The following MAEL variants were observed in gnomAD, a reference collection of about 807,000 sequenced individuals.
MAEL encodes maelstrom spermatogenic transposon silencer.
Under a neutral mutation model 62.0 loss-of-function variants are expected in MAEL, and 46 were observed. The observed-to-expected ratio is 0.74, with a 90% CI of 0.59 to 0.95. MAEL has a LOEUF of 0.95. Ranked by LOEUF, MAEL falls within the 40% of genes least tolerant of loss-of-function variation. The pLI is 0.00. For synonymous variants in MAEL, 172 were observed against 175.5 expected, an observed-to-expected ratio of 0.98 and a Z score of 0.16; for missense variants, 497 against 526.8, an observed-to-expected ratio of 0.94 and a Z score of 0.55.
chr1:167,007,959 G>C (rs1477361565), intron 8 of MAEL, among the ~76,000 whole-genome samples: 1 of 151,784 alleles, frequency 6.6e-6, no homozygotes, highest in African/African-American at 2.4e-5. Flanking sequence ...TAATAGTTAA[G>C]TTCGTTTGCT....
chr1:166,980,624 T>C (rs151295212), intron 1 of MAEL, among the ~76,000 whole-genome samples: 89 of 152,340 alleles, frequency 5.8e-4, no homozygotes, highest in Non-Finnish European at 7.4e-4. Context: ...CAACCTATAA[T>C]TTCTCTGAAA....
intron 5 of MAEL, among the ~76,000 whole-genome samples, chr1:166,998,410 A>G (rs1348909316): frequency 6.6e-6 from 1 of 152,122 alleles, no homozygotes; most frequent in African/African-American, 2.4e-5. Context: ...ATATTTTCTA[A>G]TTGTTTACTT....
Position 167,021,808 on chromosome 1 carries a change from T to C in MAEL, c.1258T>C (p.Tyr420His). Reference sequence around the variant, plus strand: ...CAACTGTGACACTTCACTCTCACCTTACATGTCCCAAAAAGATGGATACAA... The same window carrying C: ...CAACTGTGACACTTCACTCTCACCTCACATGTCCCAAAAAGATGGATACAA... ...FSNCDTSLSP[Y>H]MSQKDGYKSF... The change falls in exon 12 of 12, where the codon TAC becomes CAC. Residue 420 changes from tyrosine to histidine, a missense_variant. Physicochemically the swap from Tyr to His is moderately conservative, Grantham distance 83. Transcript: ENST00000367872. 1 of 1,611,984 alleles carries C rather than the reference T, an allele frequency of 6.2e-7. No individual in the cohort carries two copies. Among genetic ancestry groups the C allele is most frequent in the African/African-American group, 1.3e-5 (1 of 74,956 alleles).
At chr1:167,010,520 A>G (rs1665126284) in intron 8 of MAEL, among the ~76,000 whole-genome samples, 1 of 152,060 alleles carries the variant, frequency 6.6e-6, no homozygotes, top group African/African-American at 2.4e-5. Context: ...ATCATAGCTC[A>G]CTGCAGCCTG....
chr1:167,019,041 T>A (rs6673720), intron 10 of MAEL, among the ~76,000 whole-genome samples: 61,195 of 151,960 alleles, frequency 0.4, 13,423 homozygotes, highest in African/African-American at 0.59. Flanking sequence ...TCTCCATATG[T>A]ACTCTGGGCA....
At chr1:166,976,039 G>A (rs963918680) in intron 1 of MAEL, among the ~76,000 whole-genome samples, 7 of 152,216 alleles carry the variant, frequency 4.6e-5, no homozygotes, top group African/African-American at 1.7e-4. Flanking sequence ...CAAGGAACCA[G>A]GCAAGAGGCT....
rs76161896 is a variant in MAEL at position 167,004,291 on chromosome 1, C to A, written c.635C>A (p.Pro212His). 2.1e-3 allele frequency: 3,353 copies of A among 1,598,142 alleles called. 64 individuals are homozygous for A. The African/African-American group carries it at 0.041, about 19-fold the overall frequency. The change falls in exon 6 of 12, where the codon CCT becomes CAT. Residue 212 changes from proline (P) to histidine (H), a missense_variant. Pro to His is a moderately conservative substitution (Grantham distance 77). Transcript: ENST00000367872. Reference protein sequence around the residue: ...FIHPNPGNWPPIYCKSDDRTR... With the variant: ...FIHPNPGNWPHIYCKSDDRTR... ...CATCCCAACCCAGGGAACTGGCCACCTATCTACTGCAAGGTAATTTCAGGT... is the reference window on the plus strand; with the variant it reads ...CATCCCAACCCAGGGAACTGGCCACATATCTACTGCAAGGTAATTTCAGGT...
At chr1:166,978,191 ATG>A (rs1663652374) in intron 1 of MAEL, among the ~76,000 whole-genome samples, 1 of 152,150 alleles carries the variant, frequency 6.6e-6, no homozygotes, top group Admixed American at 6.5e-5. Flanking sequence ...CATCCCAGAA[ATG>A]TGTTTTCCAT....
upstream of MAEL, among the ~76,000 whole-genome samples, chr1:166,988,769 T>C (rs142575989): frequency 1.8e-3 from 267 of 152,342 alleles, 4 homozygotes; most frequent in East Asian, 0.029. Context: ...ATATTTTAAA[T>C]CTCAACCTCT....
intron 5 of MAEL, among the ~76,000 whole-genome samples, chr1:167,000,236 T>C (rs539737364): frequency 1.7e-4 from 26 of 152,346 alleles, no homozygotes; most frequent in African/African-American, 6.0e-4. Flanking sequence ...TTCACCATTC[T>C]AGATGCCATT....
At position 167,017,870 on chromosome 1, in the gene MAEL, C is replaced by T; in HGVS notation, c.952C>T (p.Leu318Phe). ...NSLATLFGIQLTEAHVPLQDY... is the reference protein window; with the variant it reads ...NSLATLFGIQFTEAHVPLQDY... ...TCTGGCCACTCTCTTTGGAATCCAG[C>T]TCACAGAGGCTCATGTACCACTACA... Residue 318 changes from leucine to phenylalanine, a missense_variant, in exon 10 of 12, where the codon CTC (leucine) becomes TTC (phenylalanine). Physicochemically the swap from Leu to Phe is conservative, Grantham distance 22. Transcript: ENST00000367872. 1 of 1,613,168 alleles carries T rather than the reference C, an allele frequency of 6.2e-7. No individual in the cohort carries two copies. The highest frequency in any genetic ancestry group is 1.3e-5 in the African/African-American group (1 of 74,966).
In MAEL at chr1:166,980,675, C is replaced by T. The variant is rs140639349; in HGVS notation, c.-121+5009C>T. Among the ~76,000 whole-genome samples, 366 of 152,298 alleles carry T rather than the reference C, an allele frequency of 2.4e-3. 1 individual carries two copies. The highest frequency in any genetic ancestry group is 8.4e-3 in the African/African-American group (350 of 41,550). ...ATGAAGGTTACTGCTCTTTTAGGAG[C>T]CCTGTCTCCAGTTTTTGCTTTTGTT... On this transcript the variant is annotated intron_variant, in intron 1 of 12. Transcript: ENST00000622874.
intron 1 of MAEL, among the ~76,000 whole-genome samples, chr1:166,980,200 T>A (rs1663718264): frequency 6.6e-6 from 1 of 152,014 alleles, no homozygotes; most frequent in African/African-American, 2.4e-5. Flanking sequence ...AATTTGTATT[T>A]TTTTTTTTAG....
chr1:167,005,218 T>A (rs1202655826), intron 7 of MAEL, 38 bp from the exon 8 acceptor site: 2 of 1,611,000 alleles, frequency 1.2e-6, no homozygotes, highest in Non-Finnish European at 1.7e-6. Context: ...GTATCTAAAT[T>A]TACTAATTGT....
chr1:166,979,133 A>G (rs1663682393), intron 1 of MAEL, among the ~76,000 whole-genome samples: 1 of 152,248 alleles, frequency 6.6e-6, no homozygotes, highest in Non-Finnish European at 1.5e-5. Context: ...ATGCATGCAC[A>G]TGAATACTGC....
Position 167,009,590 on chromosome 1 carries a change from A to ATT in MAEL, c.845+4206_845+4207dup, listed in dbSNP as rs75695034. Among the ~76,000 whole-genome samples the ATT allele has an allele frequency of 4.3e-3, 625 of 144,530 alleles. 2 individuals carry two copies. The highest frequency in any genetic ancestry group is 0.011 in the African/African-American group (454 of 39,830). 94.8% of individuals were successfully genotyped at this position (144,530 alleles called of 152,430 possible). On this transcript the variant is annotated intron_variant, in intron 8 of 11. Transcript: ENST00000367872. ...GCAGAATCAGGTTCTATTTCTGGAG[A>ATT]TTTTTTTTTTTTTTAGATCATAGTT...
chr1:167,018,139 C>A (rs1176253043), intron 10 of MAEL, among the ~76,000 whole-genome samples, 180 bp downstream of exon 10: 1 of 152,024 alleles, frequency 6.6e-6, no homozygotes, highest in Admixed American at 6.6e-5. Context: ...GTGTAAAATT[C>A]TTTTTTCTCT....
chr1:166,991,421 C>G lies in MAEL; in HGVS notation c.269C>G (p.Pro90Arg), dbSNP rs773309681. Residue 90 changes from proline to arginine, a missense_variant, in exon 3 of 12, where the codon CCA becomes CGA. By Grantham distance (103) the Pro-to-Arg change is moderately radical. Coordinates refer to ENST00000367872, the MANE Select transcript of MAEL (RefSeq NM_032858.3). Reference sequence around the variant, plus strand: ...CTGAGGAGGCCAGGCATGCTTGTACCAAAGCAGAATGTTTCACCTCCAGAT... The same window carrying G: ...CTGAGGAGGCCAGGCATGCTTGTACGAAAGCAGAATGTTTCACCTCCAGAT... ...TPLRRPGMLV[P>R]KQNVSPPDMS... 1.2e-6 allele frequency: 2 copies of G among 1,613,166 alleles called. No homozygotes were observed. Among genetic ancestry groups the G allele is most frequent in the African/African-American group, 2.7e-5 (2 of 74,882 alleles).
intron 1 of MAEL, among the ~76,000 whole-genome samples, chr1:166,979,151 G>A (rs1557966519): frequency 6.6e-6 from 1 of 152,176 alleles, no homozygotes; most frequent in Non-Finnish European, 1.5e-5. Flanking sequence ...TGCTTAACGT[G>A]AGTCTGTTTA....
Sources: allele counts gnomAD v4.1 joint callset (sites outside exome capture counted in the v4.1 genomes callset), GRCh38; gene constraint gnomAD v4.1.1; transcripts MANE v1.5; gene names NCBI Gene and HGNC (gene_info 2026-07-23, HGNC 2026-07-21).